ATG4C: variants seen among roughly 807,000 people sequenced by gnomAD.
ATG4C encodes the protein autophagy related 4C cysteine peptidase.
ATG4C carries 56 observed loss-of-function variants against 57.6 expected under a neutral mutation model. The ratio of observed to expected loss-of-function variants is 0.97; its 90% CI spans 0.78 to 1.21. ATG4C has a LOEUF of 1.21. Ranked by LOEUF, ATG4C falls within the 50% of genes most tolerant of loss-of-function variation. ATG4C has a pLI of 0.00. For synonymous variants in ATG4C, 157 were observed against 174.1 expected, an observed-to-expected ratio of 0.90 and a Z score of 0.78; for missense variants, 595 against 529.8, an observed-to-expected ratio of 1.12 and a Z score of -1.21.
chr1:62,850,352 G>T (rs1666466888), intron 10 of ATG4C, among the ~76,000 whole-genome samples: 1 of 152,074 alleles, frequency 6.6e-6, no homozygotes, highest in Admixed American at 6.5e-5. Context: ...GATCTCCCTT[G>T]CTCTGTCTAC....
At chr1:62,793,010 C>T (rs892543410) in intron 1 of ATG4C, among the ~76,000 whole-genome samples, 21 of 151,760 alleles carry the variant, frequency 1.4e-4, no homozygotes, top group African/African-American at 4.1e-4. Context: ...CCTTAACCTC[C>T]CGAGTAGCTG....
At chr1:62,827,785 T>C (rs542616834) in intron 6 of ATG4C, among the ~76,000 whole-genome samples, 5 of 136,906 alleles carry the variant, frequency 3.7e-5, no homozygotes, top group Admixed American at 1.6e-4. Context: ...CCAGTAGTTA[T>C]TTTTTCTGCT....
chr1:62,811,483 C>T (rs1002928892), intron 3 of ATG4C, among the ~76,000 whole-genome samples: 6 of 151,906 alleles, frequency 3.9e-5, no homozygotes, highest in South Asian at 2.1e-4. Context: ...GACCGAATAC[C>T]GAAAGTAAAA....
intron 6 of ATG4C, among the ~76,000 whole-genome samples, chr1:62,825,270 C>CCCA (rs1317164706): frequency 2.0e-5 from 3 of 151,514 alleles, no homozygotes; most frequent in Non-Finnish European, 4.4e-5. Flanking sequence ...AGCCGTTGTG[C>CCCA]CCACCCCAAA....
chr1:62,803,709 A>G lies in ATG4C; in HGVS notation c.-68-10A>G, dbSNP rs922732704. 4.0e-6 allele frequency: 4 copies of G among 1,003,332 alleles called. No homozygotes were observed. The African/African-American group carries it at 5.0e-5, about 13-fold the overall frequency. The allele number at this position is 1,003,332 out of a possible 1,614,324, so 62.2% of individuals were successfully genotyped here. ...TAGTAATTACTGATTTTTTTCCTTA[A>G]TTTTTAAAGTCAGTATAAAAGATTA... On this transcript the variant is annotated splice_polypyrimidine_tract_variant and intron_variant, in intron 1 of 10. Transcript: ENST00000317868.
At chr1:62,808,985 A>G (rs1664974857) in intron 3 of ATG4C, among the ~76,000 whole-genome samples, 1 of 152,150 alleles carries the variant, frequency 6.6e-6, no homozygotes. Context: ...GCTGGAGTGC[A>G]ACAGTGTCCC....
At chr1:62,853,546 A>G (rs1666585716) in intron 10 of ATG4C, among the ~76,000 whole-genome samples, 1 of 152,142 alleles carries the variant, frequency 6.6e-6, no homozygotes, top group Admixed American at 6.6e-5. Context: ...TCGTGGTCTC[A>G]AGCAATCCTC....
chr1:62,818,424 A>T (rs1053690372), intron 4 of ATG4C, among the ~76,000 whole-genome samples: 3 of 152,144 alleles, frequency 2.0e-5, no homozygotes, highest in African/African-American at 7.2e-5. Flanking sequence ...AAGCAGTCTG[A>T]TAATGAAATA....
chr1:62,801,723 C>T (rs1430866505), intron 1 of ATG4C, among the ~76,000 whole-genome samples: 2 of 151,774 alleles, frequency 1.3e-5, no homozygotes, highest in Non-Finnish European at 1.5e-5. Context: ...CTTTGGGAGG[C>T]CGAGGCGGGC....
chr1:62,833,968 T>TAGAAATTTG, intron 7 of ATG4C, 70 bp from the exon 8 acceptor site: 1 of 1,321,656 alleles, frequency 7.6e-7, no homozygotes, highest in Non-Finnish European at 1.1e-6. Context: ...ATATTAGTAA[T>TAGAAATTTG]AGAAATTTGT....
At chr1:62,852,765 A>C (rs972172312) in intron 10 of ATG4C, among the ~76,000 whole-genome samples, 7 of 139,034 alleles carry the variant, frequency 5.0e-5, no homozygotes, top group African/African-American at 1.3e-4. Context: ...TTTTTTTTCT[A>C]AATGTTCAGT....
chr1:62,796,653 A>G (rs1223457326), intron 1 of ATG4C, among the ~76,000 whole-genome samples: 1 of 152,216 alleles, frequency 6.6e-6, no homozygotes, highest in Non-Finnish European at 1.5e-5. Flanking sequence ...AGAATTTAAT[A>G]TAACCTGGTT....
In ATG4C at chr1:62,841,382, T is replaced by C. The variant is rs201956702; in HGVS notation, c.1090-46T>C. ...TTTAAATAATAGTTTTATATATACT[T>C]GTCTATCAAAGATAAATTAATCCTA... is the stretch of plus-strand genomic sequence containing the variant. On this transcript the variant is annotated intron_variant, in intron 9 of 10. Coordinates refer to ENST00000317868, the MANE Select transcript of ATG4C (RefSeq NM_032852.4). 3.0e-4 allele frequency: 450 copies of C among 1,483,842 alleles called. 1 individual carries two copies. Among genetic ancestry groups the C allele is most frequent in the Non-Finnish European group, 4.0e-4 (434 of 1,086,728 alleles). The allele number at this position is 1,483,842 out of a possible 1,614,324, so 91.9% of individuals were successfully genotyped here.
chr1:62,849,135 C>T (rs952058179), intron 10 of ATG4C, among the ~76,000 whole-genome samples: 1 of 151,890 alleles, frequency 6.6e-6, no homozygotes, highest in Non-Finnish European at 1.5e-5. Flanking sequence ...TAACTTTGAC[C>T]CCTTGGTTAA....
chr1:62,830,917 A>G (rs1254469548), intron 7 of ATG4C, among the ~76,000 whole-genome samples: 1 of 152,128 alleles, frequency 6.6e-6, no homozygotes, highest in Non-Finnish European at 1.5e-5. Context: ...TTTTGCCCTC[A>G]CAGTAGCTAG....
chr1:62,808,246 C>T (rs1664944633), intron 3 of ATG4C, among the ~76,000 whole-genome samples: 1 of 152,238 alleles, frequency 6.6e-6, no homozygotes, highest in Non-Finnish European at 1.5e-5. Flanking sequence ...CAGCATCTGG[C>T]AGATGATTGG....
At chr1:62,858,469 A>G (rs1666751699) in intron 10 of ATG4C, among the ~76,000 whole-genome samples, 1 of 152,216 alleles carries the variant, frequency 6.6e-6, no homozygotes, top group Non-Finnish European at 1.5e-5. Context: ...TAGCAGAGAA[A>G]TTGTTGAGAC....
At chr1:62,841,285 T>C (rs1171430148) in intron 9 of ATG4C, 143 bp from the exon 10 acceptor site, 1 of 613,244 alleles carries the variant, frequency 1.6e-6, no homozygotes, top group Non-Finnish European at 2.6e-6. Context: ...GAGAGGACCA[T>C]CTGCGTAGGA....
intron 1 of ATG4C, among the ~76,000 whole-genome samples, chr1:62,798,307 T>G (rs1348139921): frequency 6.6e-6 from 1 of 152,242 alleles, no homozygotes; most frequent in East Asian, 1.9e-4. Flanking sequence ...CATTATTTAT[T>G]AAATTAGCCA....
Sources: allele counts gnomAD v4.1 joint callset (sites outside exome capture counted in the v4.1 genomes callset), GRCh38; gene constraint gnomAD v4.1.1; transcripts MANE v1.5; gene names NCBI Gene and HGNC (gene_info 2026-07-23, HGNC 2026-07-21).